The following VWA8 variants were observed in gnomAD, a reference collection of about 807,000 sequenced individuals.
VWA8 encodes the protein von Willebrand factor A domain containing 8.
A neutral mutation model predicts 241.5 loss-of-function variants in VWA8; 221 were observed. The observed-to-expected ratio is 0.91, with a 90% CI of 0.82 to 1.02. The LOEUF (loss-of-function observed/expected upper bound fraction) is 1.02, where lower values mean the gene tolerates loss of function less well. Among genes scored for constraint, VWA8 ranks in the 50% least tolerant of loss-of-function variants. The pLI is 0.00. For synonymous variants in VWA8, 852 were observed against 827.1 expected, an observed-to-expected ratio of 1.03 and a Z score of -0.52; for missense variants, 2,322 against 2,328.7, an observed-to-expected ratio of 1.00 and a Z score of 0.06.
At chr13:41,949,307 G>C (rs1448936303) in intron 2 of VWA8, among the ~76,000 whole-genome samples, 1 of 152,112 alleles carries the variant, frequency 6.6e-6, no homozygotes, top group Admixed American at 6.5e-5. Context: ...AAAAAATGAT[G>C]AGTTCATGTC....
At chr13:41,692,233 A>G (rs1370017390) in intron 30 of VWA8, among the ~76,000 whole-genome samples, 1 of 152,124 alleles carries the variant, frequency 6.6e-6, no homozygotes, top group Non-Finnish European at 1.5e-5. Context: ...AATTTACACC[A>G]TAAAATAAAC....
chr13:41,800,698 CA>C (rs760231552), intron 17 of VWA8, among the ~76,000 whole-genome samples: 8 of 149,598 alleles, frequency 5.3e-5, no homozygotes, highest in Non-Finnish European at 1.2e-4. Flanking sequence ...GAGGCTGAGG[CA>C]GGAGAATGGC....
At chr13:41,721,611 C>A (rs2045392683) in intron 24 of VWA8, 36 bp from the exon 25 acceptor site, 1 of 1,578,010 alleles carries the variant, frequency 6.3e-7, no homozygotes, top group African/African-American at 1.4e-5. Flanking sequence ...CAGTATGCAA[C>A]AAATCCATTA....
intron 20 of VWA8, among the ~76,000 whole-genome samples, chr13:41,772,292 A>G (rs2045830039): frequency 6.6e-6 from 1 of 152,178 alleles, no homozygotes; most frequent in African/African-American, 2.4e-5. Context: ...ATTGAATATG[A>G]CACTATACAT....
chr13:41,664,262 G>A (rs1469139195), intron 37 of VWA8, among the ~76,000 whole-genome samples: 1 of 151,984 alleles, frequency 6.6e-6, no homozygotes, highest in Non-Finnish European at 1.5e-5. Context: ...CTGCTTTGGA[G>A]AAACCCAGTG....
chr13:41,582,048 G>T (rs907844488), intron 42 of VWA8, among the ~76,000 whole-genome samples: 2 of 152,196 alleles, frequency 1.3e-5, no homozygotes, highest in Non-Finnish European at 2.9e-5. Flanking sequence ...GAGTAGAGGA[G>T]CTTATGCTGA....
intron 26 of VWA8, among the ~76,000 whole-genome samples, chr13:41,711,880 A>C (rs570143601): frequency 7.9e-5 from 12 of 152,236 alleles, no homozygotes; most frequent in Admixed American, 2.0e-4. Context: ...TCTCAAACAA[A>C]AAAAAAAGAA....
chr13:41,929,070 G>A lies in VWA8; in HGVS notation c.242-16902C>T, dbSNP rs7326448. ...GAAAAAACAATCCTAAAATATATGT[G>A]TAAAAATACAAAAGATCTCAAATAG... On this transcript the variant is annotated intron_variant, in intron 2 of 44. Transcript: ENST00000379310. Among the ~76,000 whole-genome samples, 252 of 150,526 alleles carry A rather than the reference G, an allele frequency of 1.7e-3. 2 individuals carry two copies. Among genetic ancestry groups the A allele is most frequent in the African/African-American group, 5.6e-3 (231 of 41,092 alleles).
chr13:41,592,411 T>C (rs1212794663), intron 40 of VWA8, among the ~76,000 whole-genome samples: 16 of 150,984 alleles, frequency 1.1e-4, no homozygotes, highest in Non-Finnish European at 2.1e-4. Context: ...GGCACATGTA[T>C]ACATATGTAA....
At chr13:41,776,188 G>A (rs1868584121) in intron 20 of VWA8, among the ~76,000 whole-genome samples, 3 of 152,154 alleles carry the variant, frequency 2.0e-5, no homozygotes, top group East Asian at 3.8e-4. Context: ...CTGGTCTGCC[G>A]CTGCTGGGAT....
chr13:41,790,893 T>C (rs1869426551), intron 17 of VWA8, among the ~76,000 whole-genome samples: 1 of 151,878 alleles, frequency 6.6e-6, no homozygotes, highest in Non-Finnish European at 1.5e-5. Flanking sequence ...GCAATCTTAA[T>C]GCCATTGGCA....
intron 30 of VWA8, among the ~76,000 whole-genome samples, chr13:41,692,332 T>C (rs575618415): frequency 4.6e-5 from 7 of 152,184 alleles, no homozygotes; most frequent in African/African-American, 1.7e-4. Flanking sequence ...GACCTAAGTA[T>C]GTTGACTTGC....
rs1593699627 is a variant in VWA8, at chr13:41,691,321, G to A, written c.3865C>T (p.Gln1289Ter). ...GATACACTATATAAAGCCACTCACT[G>A]ATTTGTTTTGCTCTCCACCAGAAGC... Reference protein sequence around the residue: ...KWLLVESKTNQKYLLTKPAHI... With the variant: ...KWLLVESKTN Residue 1289 changes from glutamine to a stop codon, truncating the protein, a stop_gained and splice_region_variant, in exon 32 of 45, where the codon CAG becomes TAG. Coordinates refer to ENST00000379310, the MANE Select transcript of VWA8 (RefSeq NM_015058.2). LOFTEE classifies it high-confidence loss of function. 1.2e-6 allele frequency: 2 copies of A among 1,611,928 alleles called. No homozygotes were observed. The highest frequency in any genetic ancestry group is 2.2e-5 in the East Asian group (1 of 44,800).
chr13:41,919,221 T>C (rs943056304), intron 2 of VWA8, among the ~76,000 whole-genome samples: 10 of 152,168 alleles, frequency 6.6e-5, no homozygotes, highest in Non-Finnish European at 1.2e-4. Flanking sequence ...TCTCAGCCCC[T>C]ATTTGGGGAT....
chr13:41,791,539 TGG>T (rs1220836590), intron 17 of VWA8, among the ~76,000 whole-genome samples: 4 of 151,916 alleles, frequency 2.6e-5, no homozygotes, highest in African/African-American at 9.7e-5. Flanking sequence ...ACCTTGAAAC[TGG>T]TGTGTATTTG....
intron 2 of VWA8, among the ~76,000 whole-genome samples, chr13:41,921,631 C>T (rs191510449): frequency 2.8e-3 from 423 of 152,242 alleles, no homozygotes; most frequent in South Asian, 7.7e-3. Flanking sequence ...ACAAGCATTC[C>T]GATACACCAA....
intron 2 of VWA8, among the ~76,000 whole-genome samples, chr13:41,919,645 C>T (rs1288674402): frequency 6.6e-6 from 1 of 152,144 alleles, no homozygotes; most frequent in African/African-American, 2.4e-5. Context: ...GCATCCCAGA[C>T]ATTGGTGTAC....
intron 37 of VWA8, among the ~76,000 whole-genome samples, chr13:41,664,311 T>A (rs1339426317): frequency 6.6e-6 from 1 of 152,034 alleles, no homozygotes; most frequent in Non-Finnish European, 1.5e-5. Context: ...ACCTGTTCCC[T>A]ACTTCTCTCA....
At chr13:41,706,458 G>A (rs1052992768) in intron 26 of VWA8, among the ~76,000 whole-genome samples, 1 of 152,156 alleles carries the variant, frequency 6.6e-6, no homozygotes, top group Non-Finnish European at 1.5e-5. Flanking sequence ...GTAACATGGG[G>A]TATTATTGTT....
Sources: gnomAD v4.1 joint callset for allele counts (sites outside exome capture counted in the v4.1 genomes callset) on GRCh38, gnomAD v4.1.1 for gene constraint, MANE v1.5 for transcripts, NCBI Gene and HGNC (gene_info 2026-07-23, HGNC 2026-07-21) for gene names.